The following PABIR2 variants were observed in gnomAD, a reference collection of about 807,000 sequenced individuals.
PABIR2 encodes family with sequence similarity 122B.
Under a neutral mutation model 22.8 loss-of-function variants are expected in PABIR2, and 7 were observed. The observed-to-expected ratio is 0.31, with a 90% CI of 0.17 to 0.58. The LOEUF (loss-of-function observed/expected upper bound fraction) is 0.58, where lower values mean the gene tolerates loss of function less well. PABIR2 is among the 20% of genes least tolerant of loss of function. The probability of loss-of-function intolerance (pLI) is 0.89; values close to 1 mark genes in which losing one functional copy is unlikely to be tolerated. For synonymous variants in PABIR2, 67 were observed against 73.8 expected, an observed-to-expected ratio of 0.91 and a Z score of 0.47; for missense variants, 155 against 205.1, an observed-to-expected ratio of 0.76 and a Z score of 1.49.
intron 5 of PABIR2, 125 bp from the exon 6 acceptor site, chrX:134,788,956 A>C: frequency 9.7e-7 from 1 of 1,032,288 alleles, no homozygotes; most frequent in Non-Finnish European, 1.3e-6. Flanking sequence ...CTGGAAAAGC[A>C]GAGATCAAAA....
In PABIR2 at chrX:134,793,521, C is replaced by A. The variant is rs1603071010; in HGVS notation, c.177+294G>T. On this transcript the variant is annotated intron_variant, in intron 2 of 9. Coordinates refer to ENST00000343004, the MANE Select transcript of PABIR2 (RefSeq NM_001387468.1). ...TACGACAAATGAAGACCACTGTTCT[C>A]AGCTATAATTAGGAGTTAATCCTGA... 4 of 389,800 alleles carry A rather than the reference C, an allele frequency of 1.0e-5. No individual in the cohort carries two copies. In the East Asian group the frequency reaches 2.2e-4, roughly 21 times the overall value. 32.1% of individuals were successfully genotyped at this position (389,800 alleles called of 1,213,427 possible). A position where few individuals can be genotyped will look rare whatever the true frequency, so the allele number is the denominator to read the frequency against.
At chrX:134,788,686 G>A (rs1473444992) in intron 6 of PABIR2, 44 bp downstream of exon 6, 8 of 1,092,070 alleles carry the variant, frequency 7.3e-6, no homozygotes, top group Non-Finnish European at 1.0e-5. Context: ...AGAGTAAACA[G>A]CTCAGTTTGT....
intron 1 of PABIR2, 25 bp from the exon 2 acceptor site, chrX:134,793,918 C>CA (rs756360797): frequency 0.037 from 44,156 of 1,182,655 alleles, 703 homozygotes; most frequent in Middle Eastern, 0.055. Flanking sequence ...AACAAACAAA[C>CA]AAAAAAAACA....
Position 134,793,798 on chromosome X carries a change from C to A in PABIR2, c.177+17G>T, listed in dbSNP as rs1204279036. On this transcript the variant is annotated intron_variant, in intron 2 of 9. Coordinates refer to ENST00000343004, the MANE Select transcript of PABIR2 (RefSeq NM_001387468.1). The stretch of plus-strand genomic sequence containing the variant: ...TCCCCAATCTAAATCACTTCAGATA[C>A]TTACTTCTATACTTACCAGGCTGTG... The A allele has an allele frequency of 8.3e-7, 1 of 1,198,380 alleles. No homozygotes were observed. The highest frequency in any genetic ancestry group is 3.0e-5 in the East Asian group (1 of 33,798).
chrX:134,790,127 C>T (rs1182485410), intron 2 of PABIR2, among the ~76,000 whole-genome samples: 2 of 112,250 alleles, frequency 1.8e-5, no homozygotes, highest in East Asian at 2.8e-4. Context: ...TTTGCTTTCA[C>T]GATCCAAATC....
At chrX:134,787,068 C>T (rs1444021399) in intron 7 of PABIR2, among the ~76,000 whole-genome samples, 1 of 108,453 alleles carries the variant, frequency 9.2e-6, no homozygotes, top group Non-Finnish European at 1.9e-5. Context: ...GAAAATTTCA[C>T]AGTGAAATAT....
At chrX:134,772,473 G>A (rs1433155563) in intron 9 of PABIR2, among the ~76,000 whole-genome samples, 190 bp from the exon 10 acceptor site, 1 of 111,395 alleles carries the variant, frequency 9.0e-6, no homozygotes, top group Non-Finnish European at 1.9e-5. Flanking sequence ...AAGACTCTTC[G>A]AGGTCCTGTA....
chrX:134,782,342 T>TA (rs1685504083), intron 8 of PABIR2, among the ~76,000 whole-genome samples: 2 of 112,231 alleles, frequency 1.8e-5, no homozygotes, highest in African/African-American at 6.5e-5. Flanking sequence ...CAAACTGGTT[T>TA]AAAAATGTGT....
Position 134,789,087 on chromosome X carries a change from G to A in PABIR2, c.331C>T (p.Leu111=), listed in dbSNP as rs2079468174. The A allele has an allele frequency of 8.3e-7, 1 of 1,211,842 alleles. No individual in the cohort carries two copies. Among genetic ancestry groups the A allele is most frequent in the Non-Finnish European group, 1.1e-6 (1 of 895,471 alleles). The change falls in exon 5 of 10, where the codon CTG becomes TTG. Residue 111 remains leucine (L), a splice_region_variant and synonymous_variant. Transcript: ENST00000343004. ...AAACAGACATGAGCAAACTTTACCA[G>A]GCTCAAGCTCTCATCCCATGATTGG... ...ISQSWDESLS[L]SDSDFDKPEK...
At position 134,781,845 on chromosome X, in the gene PABIR2, G is replaced by A. The variant is rs374009398; in HGVS notation, c.635C>T (p.Ala212Val). 9.5e-5 allele frequency: 114 copies of A among 1,196,219 alleles called. No homozygotes were observed. Among genetic ancestry groups the A allele is most frequent in the South Asian group, 5.9e-4 (32 of 54,610 alleles). The change falls in exon 9 of 10, where the codon GCG (alanine) becomes GTG (valine). Residue 212 changes from alanine to valine, a missense_variant. By Grantham distance (64) the Ala-to-Val change is moderately conservative. Transcript: ENST00000343004. The stretch of plus-strand genomic sequence containing the variant: ...CCATGAACTGAGATCAGACAGTTGC[G>A]CGGCATCTGGAGATAACATATTGGT... ...GTTNMLSPDAAQLSDLSSCSD... is the reference protein window; with the variant it reads ...GTTNMLSPDAVQLSDLSSCSD...
intron 8 of PABIR2, among the ~76,000 whole-genome samples, chrX:134,784,756 G>C (rs1672025811): frequency 9.0e-6 from 1 of 111,389 alleles, no homozygotes; most frequent in South Asian, 3.8e-4. Context: ...TGGTATTACA[G>C]ACCTGTATTG....
In PABIR2 at chrX:134,789,072, G is replaced by T; in HGVS notation, c.333+13C>A. On this transcript the variant is annotated intron_variant, in intron 5 of 9. Transcript: ENST00000343004. ...TAGAAAATGAAAACCAAACAGACAT[G>T]AGCAAACTTTACCAGGCTCAAGCTC... 1 of 1,211,436 alleles carries T rather than the reference G, an allele frequency of 8.3e-7. No individual in the cohort carries two copies. Among genetic ancestry groups the T allele is most frequent in the Non-Finnish European group, 1.1e-6 (1 of 895,220 alleles).
chrX:134,788,754 A>G lies in PABIR2; in HGVS notation c.411T>C (p.Pro137=). The G allele has an allele frequency of 8.3e-7, 1 of 1,206,015 alleles. No homozygotes were observed. The highest frequency in any genetic ancestry group is 3.0e-5 in the East Asian group (1 of 33,660). ...RIDFTPVSPA[P]SPTRGFGKMF... is the part of the protein sequence containing the mutation. ...CCTTTCCGAATCCCCTGGTGGGTGAAGGTGCTGGAGAAACTGGAGTGAAGT... is the reference window on the plus strand; with the variant it reads ...CCTTTCCGAATCCCCTGGTGGGTGAGGGTGCTGGAGAAACTGGAGTGAAGT... The change falls in exon 6 of 10, where the codon CCT becomes CCC. Residue 137 remains proline (P), a synonymous_variant. Coordinates refer to ENST00000343004, the MANE Select transcript of PABIR2 (RefSeq NM_001387468.1).
At chrX:134,778,127 C>T (rs2079042770) in intron 9 of PABIR2, among the ~76,000 whole-genome samples, 1 of 103,669 alleles carries the variant, frequency 9.6e-6, no homozygotes, top group Non-Finnish European at 2.0e-5. Flanking sequence ...CTCCCGACCT[C>T]AAGTGATCCG....
At chrX:134,776,880 T>C (rs2078992867) in intron 9 of PABIR2, among the ~76,000 whole-genome samples, 1 of 112,144 alleles carries the variant, frequency 8.9e-6, no homozygotes, top group Non-Finnish European at 1.9e-5. Flanking sequence ...CTCTAAAAGA[T>C]AGAGGGCAGT....
chrX:134,781,745 C>T, intron 9 of PABIR2, 76 bp downstream of exon 9: 3 of 647,955 alleles, frequency 4.6e-6, no homozygotes, highest in African/African-American at 2.3e-5. Context: ...TTAAATTATC[C>T]CAATATACTT....
chrX:134,785,745 G>A (rs372582865), intron 8 of PABIR2, 141 bp downstream of exon 8: 27 of 572,262 alleles, frequency 4.7e-5, no homozygotes, highest in African/African-American at 4.3e-4. Flanking sequence ...CCCAGCCCAC[G>A]GTCAAGTTTT....
At chrX:134,778,452 C>T (rs1481513831) in intron 9 of PABIR2, among the ~76,000 whole-genome samples, 1 of 97,764 alleles carries the variant, frequency 1.0e-5, no homozygotes, top group Non-Finnish European at 2.0e-5. Context: ...TGCTGTGAGC[C>T]GAGATTGCGC....
chrX:134,788,695 G>C (rs777830558), intron 6 of PABIR2, 35 bp downstream of exon 6: 2 of 1,140,919 alleles, frequency 1.8e-6, no homozygotes, highest in South Asian at 3.8e-5. Context: ...AGCTCAGTTT[G>C]TGAAATACAC....
Sources: gnomAD v4.1 joint callset for allele counts (sites outside exome capture counted in the v4.1 genomes callset) on GRCh38, gnomAD v4.1.1 for gene constraint, MANE v1.5 for transcripts, NCBI Gene and HGNC (gene_info 2026-07-23, HGNC 2026-07-21) for gene names.